JAZF1: variants seen among roughly 807,000 people sequenced by gnomAD.
JAZF1 encodes juxtaposed with another zinc finger protein 1.
In JAZF1, 8 loss-of-function variants were observed where a neutral mutation model predicts 26.4. That is an observed-to-expected ratio of 0.30 (90% CI 0.18 to 0.55). The LOEUF (loss-of-function observed/expected upper bound fraction) is 0.55, where lower values mean the gene tolerates loss of function less well. Ranked by LOEUF, JAZF1 falls within the 20% of genes least tolerant of loss-of-function variation. The pLI, the probability that JAZF1 is intolerant of heterozygous loss-of-function variation, is 0.94. For synonymous variants in JAZF1, 126 were observed against 122.3 expected (o/e 1.03, Z -0.20); for missense variants, 199 against 322.0 (o/e 0.62, Z 2.92).
At chr7:28,096,654 T>G (rs1457282501) in intron 1 of JAZF1, among the ~76,000 whole-genome samples, 1 of 152,228 alleles carries the variant, frequency 6.6e-6, no homozygotes, top group Non-Finnish European at 1.5e-5. Flanking sequence ...TACTACAAGA[T>G]GGCCAATAAG....
intron 1 of JAZF1, among the ~76,000 whole-genome samples, chr7:28,026,623 T>C (rs1419331587): frequency 1.3e-5 from 2 of 152,216 alleles, no homozygotes; most frequent in Non-Finnish European, 2.9e-5. Context: ...ATCTAACCAA[T>C]GGTGCAGGTA....
intron 2 of JAZF1, among the ~76,000 whole-genome samples, chr7:27,907,637 G>A (rs1480170395): frequency 6.6e-6 from 1 of 152,202 alleles, no homozygotes; most frequent in African/African-American, 2.4e-5. Flanking sequence ...GGGGAATCTA[G>A]CACCAGGGGG....
At position 27,932,992 on chromosome 7, in the gene JAZF1, G is replaced by A. The variant is rs140201607; in HGVS notation, c.189-37576C>T. ...CTGGTAACGATGGCTGTCATTCCCT[G>A]AGCATAAAGGCAGGCCAGGAGATGC... On this transcript the variant is annotated intron_variant, in intron 2 of 4. Transcript: ENST00000283928. Among the ~76,000 whole-genome samples the A allele has an allele frequency of 2.1e-3, 326 of 152,266 alleles. 2 individuals carry two copies. Among genetic ancestry groups the A allele is most frequent in the African/African-American group, 7.5e-3 (311 of 41,534 alleles).
chr7:28,174,140 G>GT (rs1343960859), intron 1 of JAZF1, among the ~76,000 whole-genome samples: 1 of 152,076 alleles, frequency 6.6e-6, no homozygotes, highest in African/African-American at 2.4e-5. Context: ...AACAAAATGA[G>GT]TATCTACAAT....
chr7:28,109,346 A>G (rs1784602827), intron 1 of JAZF1, among the ~76,000 whole-genome samples: 1 of 152,212 alleles, frequency 6.6e-6, no homozygotes, highest in Non-Finnish European at 1.5e-5. Flanking sequence ...CTTTTAATTC[A>G]TCAGTGATAC....
intron 3 of JAZF1, 114 bp downstream of exon 3, chr7:27,895,106 T>C: frequency 2.0e-6 from 1 of 509,752 alleles, no homozygotes; most frequent in Non-Finnish European, 3.4e-6. Flanking sequence ...ATCAACGATG[T>C]GGTGGGTCTG....
chr7:27,922,370 G>A (rs1459848720), intron 2 of JAZF1, among the ~76,000 whole-genome samples: 3 of 152,048 alleles, frequency 2.0e-5, no homozygotes, highest in Non-Finnish European at 4.4e-5. Context: ...TCAGCCTCCT[G>A]AGTAGCTGGA....
intron 2 of JAZF1, among the ~76,000 whole-genome samples, chr7:27,941,063 A>C (rs17156058): frequency 0.022 from 3,321 of 152,316 alleles, 80 homozygotes; most frequent in East Asian, 0.13. Flanking sequence ...TTAAAAGTGC[A>C]GTATCTGACT....
intron 1 of JAZF1, among the ~76,000 whole-genome samples, chr7:28,151,302 A>C (rs926006358): frequency 2.0e-5 from 3 of 151,598 alleles, no homozygotes; most frequent in African/African-American, 7.3e-5. Flanking sequence ...ACAAGGTTTC[A>C]CCATGTTGCC....
chr7:27,992,343 A>C (rs1348287156), intron 1 of JAZF1: 1 of 381,162 alleles, frequency 2.6e-6, no homozygotes, highest in Non-Finnish European at 5.2e-6. Context: ...TGCTCACTTC[A>C]ATGCTGGAAC....
chr7:28,133,893 G>T (rs547237579), intron 1 of JAZF1, among the ~76,000 whole-genome samples: 6 of 152,170 alleles, frequency 3.9e-5, no homozygotes, highest in Non-Finnish European at 8.8e-5. Context: ...AACCAATGTT[G>T]TCCCACTGCC....
At chr7:27,990,645 T>C (rs528508481) in intron 2 of JAZF1, among the ~76,000 whole-genome samples, 1 of 152,222 alleles carries the variant, frequency 6.6e-6, no homozygotes, top group Non-Finnish European at 1.5e-5. Flanking sequence ...TTAATCTATA[T>C]GCCTGTTCAT....
intron 2 of JAZF1, among the ~76,000 whole-genome samples, chr7:27,897,142 G>A (rs1441539431): frequency 6.6e-6 from 1 of 152,032 alleles, no homozygotes; most frequent in Non-Finnish European, 1.5e-5. Flanking sequence ...TTCTCACACT[G>A]GGGTATGCAG....
At chr7:28,076,142 G>C (rs192125900) in intron 1 of JAZF1, among the ~76,000 whole-genome samples, 39 of 152,318 alleles carry the variant, frequency 2.6e-4, no homozygotes, top group Non-Finnish European at 1.0e-4. Flanking sequence ...CAAGCCAGCT[G>C]AAGGCTGACA....
intron 1 of JAZF1, among the ~76,000 whole-genome samples, chr7:28,003,927 T>C (rs1188350442): frequency 2.0e-5 from 3 of 152,074 alleles, no homozygotes; most frequent in African/African-American, 7.2e-5. Flanking sequence ...AAATAATCAA[T>C]AATGGATATT....
chr7:28,170,337 A>ATG (rs61200785), intron 1 of JAZF1, among the ~76,000 whole-genome samples: 1,388 of 98,374 alleles, frequency 0.014, 22 homozygotes, highest in Middle Eastern at 0.026. Context: ...AGAAGTTGAT[A>ATG]TGTGTGTGTG....
chr7:28,110,521 A>AAAGGAAAGGAAAGGGAAAGGG (rs1784635463), intron 1 of JAZF1, among the ~76,000 whole-genome samples: 3 of 60,228 alleles, frequency 5.0e-5, no homozygotes, highest in Non-Finnish European at 1.1e-4. Context: ...AAGGAAAAGG[A>AAAGGAAAGGAAAGGGAAAGGG]AAAGGAAAAG....
chr7:28,150,790 G>T (rs1783101046), intron 1 of JAZF1, among the ~76,000 whole-genome samples: 2 of 152,192 alleles, frequency 1.3e-5, no homozygotes, highest in African/African-American at 2.4e-5. Context: ...CATGCTGATG[G>T]CCTGACAACT....
intron 1 of JAZF1, among the ~76,000 whole-genome samples, chr7:28,092,541 A>T (rs1562584398): frequency 6.6e-6 from 1 of 152,036 alleles, no homozygotes; most frequent in Non-Finnish European, 1.5e-5. Flanking sequence ...TACTTCATAG[A>T]ACTGCTTTTA....
Sources: gnomAD v4.1 joint callset for allele counts (sites outside exome capture counted in the v4.1 genomes callset) on GRCh38, gnomAD v4.1.1 for gene constraint, MANE v1.5 for transcripts, NCBI Gene and HGNC (gene_info 2026-07-23, HGNC 2026-07-21) for gene names.